NFE2: variants seen among roughly 807,000 people sequenced by gnomAD.
NFE2 encodes nuclear factor, erythroid 2.
A neutral mutation model predicts 25.8 loss-of-function variants in NFE2; 13 were observed. That is an observed-to-expected ratio of 0.50 (90% CI 0.33 to 0.80). The LOEUF is 0.80. Among genes scored for constraint, NFE2 ranks in the 30% least tolerant of loss-of-function variants. The probability of loss-of-function intolerance (pLI) is 0.02; values close to 1 mark genes in which losing one functional copy is unlikely to be tolerated. For missense variants in NFE2, 382 were observed against 478.9 expected, an observed-to-expected ratio of 0.80 and a Z score of 1.89; for synonymous variants, 204 against 200.2, an observed-to-expected ratio of 1.02 and a Z score of -0.16.
At chr12:54,294,976 A>G (rs1168816372) in intron 2 of NFE2, among the ~76,000 whole-genome samples, 159 bp downstream of exon 2, 1 of 152,094 alleles carries the variant, frequency 6.6e-6, no homozygotes, top group African/African-American at 2.4e-5. Flanking sequence ...AACGTTCCTC[A>G]GTGTCTTCCA....
At chr12:54,295,759 GCTT>G (rs1395458035) in intron 1 of NFE2, 1 of 157,396 alleles carries the variant, frequency 6.4e-6, no homozygotes, top group Non-Finnish European at 1.4e-5. Context: ...GACAGTATAT[GCTT>G]GAGGATCCCC....
intron 1 of NFE2, among the ~76,000 whole-genome samples, chr12:54,297,283 A>G (rs975056369): frequency 5.5e-5 from 8 of 145,788 alleles, no homozygotes; most frequent in Non-Finnish European, 1.1e-4. Flanking sequence ...TGAACCTGAA[A>G]GGTCACGGCT....
chr12:54,294,729 C>T (rs557926967), intron 2 of NFE2, among the ~76,000 whole-genome samples: 66 of 152,274 alleles, frequency 4.3e-4, no homozygotes, highest in Non-Finnish European at 8.2e-4. Flanking sequence ...TCCTGAGGCC[C>T]CTGAACTACT....
At chr12:54,296,016 C>T (rs1944368889) in intron 1 of NFE2, among the ~76,000 whole-genome samples, 1 of 152,366 alleles carries the variant, frequency 6.6e-6, no homozygotes, top group South Asian at 2.1e-4. Context: ...TTAACCCATA[C>T]AATCAGAAGT....
In NFE2 at chr12:54,293,043, G is replaced by C. The variant is rs1422532116; in HGVS notation, c.453C>G (p.Asn151Lys). 3 of 1,526,276 alleles carry C rather than the reference G, an allele frequency of 2.0e-6. No individual in the cohort carries two copies. The highest frequency in any genetic ancestry group is 2.2e-5 in the Admixed American group (1 of 45,850). The allele number at this position is 1,526,276 out of a possible 1,614,324, so 94.5% of individuals were successfully genotyped here. A position where few individuals can be genotyped will look rare whatever the true frequency, so the allele number is the denominator to read the frequency against. The part of the protein sequence containing the change: ...DPESDSGLSL[N>K]YSDAESLELE... ...GCTCAAGAGATTCAGCATCGCTATA[G>C]TTGAGGGATAATCCTGAGTCGGATT... is the stretch of plus-strand genomic sequence containing the variant. The change falls in exon 3 of 3, where the codon AAC becomes AAG. Residue 151 changes from asparagine to lysine, a missense_variant. Asn to Lys is a moderately conservative substitution (Grantham distance 94, BLOSUM62 0). Coordinates refer to ENST00000435572, the MANE Select transcript of NFE2 (RefSeq NM_001136023.3).
In NFE2 at chr12:54,292,663, A is replaced by C. The variant is rs1592178808; in HGVS notation, c.833T>G (p.Val278Gly). ...RDIRRRGKNK[V>G]AAQNCRKRKL... ...CCTCTTGCGGCAGTTCTGGGCTGCC[A>C]CCTTGTTTTTGCCCCGTCGTCGGAT... Residue 278 changes from valine (V) to glycine (G), a missense_variant, in exon 3 of 3, where the codon GTG (valine) becomes GGG (glycine). Transcript: ENST00000435572. 6.2e-7 allele frequency: 1 copy of C among 1,614,154 alleles called. No individual in the cohort carries two copies. The highest frequency in any genetic ancestry group is 8.5e-7 in the Non-Finnish European group (1 of 1,180,030).
rs753680241 is a variant in NFE2 at position 54,293,406 on chromosome 12, T to C, written c.115-25A>G. ...CCTGCAAGGAAAGACACAAAGAGAT[T>C]TGGAGACAGACTAAGGAAGAGAAAC... On this transcript the variant is annotated intron_variant, in intron 2 of 2. Transcript: ENST00000435572. 14 of 1,446,750 alleles carry C rather than the reference T, an allele frequency of 9.7e-6. No homozygotes were observed. In the South Asian group the frequency reaches 1.6e-4, roughly 17 times the overall value. 89.6% of individuals were successfully genotyped at this position (1,446,750 alleles called of 1,614,324 possible).
rs1229020474 is a variant in NFE2 at position 54,292,855 on chromosome 12, G to T, written c.641C>A (p.Ala214Asp). 2 of 1,614,180 alleles carry T rather than the reference G, an allele frequency of 1.2e-6. No individual in the cohort carries two copies. Among genetic ancestry groups the T allele is most frequent in the Admixed American group, 1.7e-5 (1 of 60,020 alleles). The change falls in exon 3 of 3, where the codon GCT (alanine) becomes GAT (aspartate). Residue 214 changes from alanine (A) to aspartate (D), a missense_variant. Transcript: ENST00000435572. ...ALEPSSGPVR[A>D]KPTARGEAGS... The stretch of plus-strand genomic sequence containing the variant: ...TGCCTCCCCCCGTGCAGTGGGCTTA[G>T]CCCGCACAGGGCCTGAGGAGGGCTC...
rs373533094 is a variant in NFE2 at position 54,295,212 on chromosome 12, C to T, written c.37G>A (p.Val13Met). 5.0e-6 allele frequency: 8 copies of T among 1,614,066 alleles called. No homozygotes were observed. The South Asian group carries it at 6.6e-5, about 13-fold the overall frequency. ...AGCTCTGAAGTGGACAGCTGTATCACCCTGTTCCTGCTCTGCTGGGGAGGA... is the reference window on the plus strand; with the variant it reads ...AGCTCTGAAGTGGACAGCTGTATCATCCTGTTCCTGCTCTGCTGGGGAGGA... The part of the protein sequence containing the change: ...PCPPQQSRNR[V>M]IQLSTSELGE... The change falls in exon 2 of 3, where the codon GTG (valine) becomes ATG (methionine). Residue 13 changes from valine to methionine, a missense_variant. By Grantham distance (21) the Val-to-Met change is conservative (BLOSUM62 1). Transcript: ENST00000435572.
In NFE2 at chr12:54,292,840, C is replaced by G. The variant is rs139796996; in HGVS notation, c.656G>C (p.Arg219Pro). ...TTCATCCCGACTCCCTGCCTCCCCC[C>G]GTGCAGTGGGCTTAGCCCGCACAGG... Reference protein sequence around the residue: ...SGPVRAKPTARGEAGSRDERR... With the variant: ...SGPVRAKPTAPGEAGSRDERR... Residue 219 changes from arginine to proline, a missense_variant, in exon 3 of 3, where the codon CGG becomes CCG. Coordinates refer to ENST00000435572, the MANE Select transcript of NFE2 (RefSeq NM_001136023.3). 1 of 1,614,212 alleles carries G rather than the reference C, an allele frequency of 6.2e-7. No individual in the cohort carries two copies. Among genetic ancestry groups the G allele is most frequent in the South Asian group, 1.1e-5 (1 of 91,088 alleles).
chr12:54,298,852 A>C (rs1469698758), intron 1 of NFE2, among the ~76,000 whole-genome samples: 1 of 151,958 alleles, frequency 6.6e-6, no homozygotes, highest in Non-Finnish European at 1.5e-5. Flanking sequence ...GGAATTTGAG[A>C]CCAGCCTGGC....
chr12:54,300,744 G>C (rs1944416361), intron 1 of NFE2, 57 bp downstream of exon 1: 2 of 138,926 alleles, frequency 1.4e-5, no homozygotes, highest in Non-Finnish European at 3.2e-5. Context: ...CCCCCAGCCT[G>C]CCCCTCGGAT....
intron 1 of NFE2, among the ~76,000 whole-genome samples, chr12:54,299,223 T>C (rs1036975231): frequency 6.6e-6 from 1 of 152,118 alleles, no homozygotes; most frequent in Admixed American, 6.5e-5. Flanking sequence ...GATGGTGTTC[T>C]ATACACCAGG....
Position 54,293,151 on chromosome 12 carries a change from C to A in NFE2, c.345G>T (p.Leu115=). 6.5e-7 allele frequency: 1 copy of A among 1,538,446 alleles called. No homozygotes were observed. The highest frequency in any genetic ancestry group is 8.8e-7 in the Non-Finnish European group (1 of 1,141,320). ...AGGGGTCTTGGAGCGGCTCACTGAGCAGGCCTGAGAGGCTCAGTGGCTTGG... is the reference window on the plus strand; with the variant it reads ...AGGGGTCTTGGAGCGGCTCACTGAGAAGGCCTGAGAGGCTCAGTGGCTTGG... ...PVSKPLSLSG[L]LSEPLQDPLA... is the part of the protein sequence containing the mutation. Residue 115 remains leucine (L), a synonymous_variant, in exon 3 of 3, where the codon CTG becomes CTT. Coordinates refer to ENST00000435572, the MANE Select transcript of NFE2 (RefSeq NM_001136023.3).
intron 1 of NFE2, 73 bp from the exon 2 acceptor site, chr12:54,295,377 G>GA: frequency 4.5e-6 from 3 of 663,520 alleles, no homozygotes; most frequent in Non-Finnish European, 7.9e-6. Context: ...TCCTTGGAGG[G>GA]GCTCCCTCCA....
chr12:54,295,041 T>C, intron 2 of NFE2, 94 bp downstream of exon 2: 1 of 976,810 alleles, frequency 1.0e-6, no homozygotes, highest in Admixed American at 2.0e-5. Flanking sequence ...CCCTGAGCCC[T>C]GCTTGCTCCT....
intron 1 of NFE2, among the ~76,000 whole-genome samples, chr12:54,295,933 G>A (rs1327004473): frequency 6.6e-6 from 1 of 152,204 alleles, no homozygotes; most frequent in African/African-American, 2.4e-5. Context: ...AGGCAGCAGA[G>A]GCACAGAAGG....
At chr12:54,295,072 C>G (rs1390699859) in intron 2 of NFE2, 63 bp downstream of exon 2, 1 of 1,408,644 alleles carries the variant, frequency 7.1e-7, no homozygotes, top group Non-Finnish European at 1.0e-6. Context: ...TCAGTCCTGG[C>G]CAACTCCCTG....
chr12:54,298,696 T>G (rs1944396943), intron 1 of NFE2, among the ~76,000 whole-genome samples: 2 of 151,818 alleles, frequency 1.3e-5, no homozygotes, highest in African/African-American at 4.8e-5. Flanking sequence ...AGACACAGAT[T>G]CCTAAAAGCC....
Sources: allele counts gnomAD v4.1 joint callset (sites outside exome capture counted in the v4.1 genomes callset), GRCh38; gene constraint gnomAD v4.1.1; transcripts MANE v1.5; gene names NCBI Gene and HGNC (gene_info 2026-07-23, HGNC 2026-07-21).